BCL7C: variants seen among roughly 807,000 people sequenced by gnomAD.
BCL7C encodes the protein B-cell CLL/lymphoma 7 protein family member C.
A neutral mutation model predicts 26.2 loss-of-function variants in BCL7C; 8 were observed. The ratio of observed to expected loss-of-function variants is 0.30; its 90% confidence interval spans 0.18 to 0.55. BCL7C has a LOEUF of 0.55. BCL7C is among the 20% of genes least tolerant of loss of function. The pLI is 0.93. For synonymous variants in BCL7C, 90 were observed against 116.5 expected, an observed-to-expected ratio of 0.77 and a Z score of 1.47; for missense variants, 262 against 298.5, an observed-to-expected ratio of 0.88 and a Z score of 0.90.
At chr16:30,850,314 A>G (rs1184189871) in intron 5 of BCL7C, among the ~76,000 whole-genome samples, 1 of 152,058 alleles carries the variant, frequency 6.6e-6, no homozygotes, top group African/African-American at 2.4e-5. Flanking sequence ...CATCTCTTAT[A>G]GTTACTTTTG....
chr16:30,858,281 C>A (rs1230098773), intron 5 of BCL7C, among the ~76,000 whole-genome samples: 2 of 152,154 alleles, frequency 1.3e-5, no homozygotes, highest in African/African-American at 2.4e-5. Flanking sequence ...GGACCCAGAG[C>A]TCCTTGATTG....
chr16:30,890,936 G>A (rs915896226), intron 4 of BCL7C, among the ~76,000 whole-genome samples: 2 of 152,094 alleles, frequency 1.3e-5, no homozygotes, highest in Non-Finnish European at 2.9e-5. Flanking sequence ...GGTGAGCTGA[G>A]ATTGTGCCAT....
intron 5 of BCL7C, 35 bp from the exon 6 acceptor site, chr16:30,888,025 A>G: frequency 6.3e-7 from 1 of 1,580,456 alleles, no homozygotes; most frequent in Non-Finnish European, 8.6e-7. Context: ...TGAGCTCCAC[A>G]GAACCCAGGC....
chr16:30,858,393 T>G (rs577460522), intron 5 of BCL7C, among the ~76,000 whole-genome samples: 24 of 152,254 alleles, frequency 1.6e-4, no homozygotes, highest in Non-Finnish European at 3.2e-4. Flanking sequence ...GTCTGTGCCT[T>G]GGGGAGAGGG....
At chr16:30,846,851 T>C (rs1474012280) in intron 5 of BCL7C, among the ~76,000 whole-genome samples, 2 of 152,324 alleles carry the variant, frequency 1.3e-5, no homozygotes, top group African/African-American at 4.8e-5. Context: ...TGGCCTGCAG[T>C]AGCATTCCAG....
intron 5 of BCL7C, among the ~76,000 whole-genome samples, chr16:30,850,400 T>C (rs2054666229): frequency 6.6e-6 from 1 of 152,194 alleles, no homozygotes; most frequent in South Asian, 2.1e-4. Context: ...TACAGTCATG[T>C]GTTGCTTAAC....
intron 5 of BCL7C, among the ~76,000 whole-genome samples, chr16:30,871,058 G>A (rs771524623): frequency 3.9e-5 from 6 of 152,226 alleles, no homozygotes; most frequent in Non-Finnish European, 7.3e-5. Flanking sequence ...CAGGGGAACA[G>A]TTGTTAACTC....
At position 30,880,260 on chromosome 16, in the gene BCL7C, G is replaced by T. The variant is rs1259311848; in HGVS notation, c.528+8600C>A. 5.3e-5 allele frequency among the ~76,000 whole-genome samples: 8 copies of T among 152,146 alleles called. No individual in the cohort carries two copies. The East Asian group carries it at 1.5e-3, about 29-fold the overall frequency. On this transcript the variant is annotated intron_variant, in intron 5 of 5. Transcript: ENST00000380317. ...GCACTTTGGGAGGCAGAGGTAGGTG[G>T]ATCGCTTGAGCCCAGGAGTTCAAGA...
intron 4 of BCL7C, 69 bp downstream of exon 4, chr16:30,892,517 G>A (rs991812472): frequency 3.7e-5 from 54 of 1,475,660 alleles, no homozygotes; most frequent in Middle Eastern, 1.8e-4. Flanking sequence ...ATAGGGATGA[G>A]CTGGTAGGTT....
At chr16:30,868,459 C>T (rs950497860) in intron 5 of BCL7C, among the ~76,000 whole-genome samples, 2 of 147,900 alleles carry the variant, frequency 1.4e-5, no homozygotes, top group African/African-American at 4.9e-5. Flanking sequence ...TTTTAAGCTA[C>T]TAAATTTGCT....
At chr16:30,881,311 G>T (rs1354901407) in intron 5 of BCL7C, among the ~76,000 whole-genome samples, 3 of 151,828 alleles carry the variant, frequency 2.0e-5, no homozygotes, top group Non-Finnish European at 4.4e-5. Flanking sequence ...CAGGAAAATC[G>T]CTTGAACCCA....
chr16:30,835,088 G>C (rs1235485074), exon 6 of BCL7C: 5 of 1,545,752 alleles, frequency 3.2e-6, no homozygotes, highest in Non-Finnish European at 4.4e-6. Context: ...AGCCTCCTGA[G>C]GGGCTCTGTC....
chr16:30,890,410 GCAGAGCTGATGAGGACA>G (rs1182892105), intron 4 of BCL7C, among the ~76,000 whole-genome samples: 1 of 151,400 alleles, frequency 6.6e-6, no homozygotes, highest in Non-Finnish European at 1.5e-5. Flanking sequence ...AAAAAAAAAA[GCAGAGCTGATGAGGACA>G]CAGGCCCAAG....
intron 5 of BCL7C, among the ~76,000 whole-genome samples, chr16:30,865,473 G>A (rs755230193): frequency 6.6e-6 from 1 of 152,080 alleles, no homozygotes; most frequent in Non-Finnish European, 1.5e-5. Flanking sequence ...AGCTACTTGG[G>A]TGGCTGAGGC....
At chr16:30,858,469 A>G (rs952120280) in intron 5 of BCL7C, among the ~76,000 whole-genome samples, 2 of 152,178 alleles carry the variant, frequency 1.3e-5, no homozygotes, top group African/African-American at 4.8e-5. Flanking sequence ...CTAGGGACCC[A>G]AAACGCCAGT....
At chr16:30,838,745 A>C (rs1306179255) in intron 5 of BCL7C, among the ~76,000 whole-genome samples, 1 of 152,246 alleles carries the variant, frequency 6.6e-6, no homozygotes. Flanking sequence ...AGATCACGCC[A>C]CTGCACTCCA....
intron 5 of BCL7C, among the ~76,000 whole-genome samples, chr16:30,881,392 TCACACACACACACACA>T (rs72155482): frequency 2.1e-5 from 3 of 144,126 alleles, no homozygotes; most frequent in African/African-American, 7.8e-5. Flanking sequence ...TGAGACTCCG[TCACACACACACACACA>T]CACACACACA....
rs1445076803 is a variant in BCL7C at position 30,892,921 on chromosome 16, C to G, written c.199G>C (p.Glu67Gln). The G allele has an allele frequency of 3.1e-6, 5 of 1,612,900 alleles. No individual in the cohort carries two copies. Among genetic ancestry groups the G allele is most frequent in the Non-Finnish European group, 4.2e-6 (5 of 1,179,944 alleles). Residue 67 changes from glutamate (E) to glutamine (Q), a missense_variant, in exon 3 of 6, where the codon GAG becomes CAG. By Grantham distance (29) the Glu-to-Gln change is conservative. Coordinates refer to ENST00000215115, the MANE Select transcript of BCL7C (RefSeq NM_004765.4). ...EERRRAGGGA[E>Q]RSRGRERRGR... ...CGACGTTCCCGGCCACGGGATCTCT[C>G]TGCCCCGCCACCTGCCCGCCTTCGC...
downstream of BCL7C, among the ~76,000 whole-genome samples, chr16:30,883,467 C>G (rs1332933203): frequency 1.4e-5 from 2 of 144,110 alleles, no homozygotes; most frequent in African/African-American, 5.7e-5. Flanking sequence ...CCTCCCGCCT[C>G]AGCCTCCCGC....
Sources: allele counts gnomAD v4.1 joint callset (sites outside exome capture counted in the v4.1 genomes callset), GRCh38; gene constraint gnomAD v4.1.1; transcripts MANE v1.5; gene names NCBI Gene and HGNC (gene_info 2026-07-23, HGNC 2026-07-21).